Variants in ZNF827 observed in about 807,000 individuals in gnomAD.
ZNF827 encodes zinc finger protein 827.
ZNF827 carries 13 observed loss-of-function variants against 102.4 expected under a neutral mutation model. The observed-to-expected ratio is 0.13, with a 90% confidence interval of 0.08 to 0.20. The LOEUF (loss-of-function observed/expected upper bound fraction) is 0.20. Among genes scored for constraint, ZNF827 ranks in the 10% least tolerant of loss-of-function variants. The probability of loss-of-function intolerance (pLI) is 1.00; values close to 1 mark genes in which losing one functional copy is unlikely to be tolerated. For missense variants in ZNF827, 1,103 were observed against 1,344.4 expected, an observed-to-expected ratio of 0.82 and a Z score of 2.81; for synonymous variants, 523 against 536.2, an observed-to-expected ratio of 0.98 and a Z score of 0.34.
At chr4:145,817,679 G>A (rs1742721384) in intron 8 of ZNF827, among the ~76,000 whole-genome samples, 1 of 152,166 alleles carries the variant, frequency 6.6e-6, no homozygotes, top group Non-Finnish European at 1.5e-5. Flanking sequence ...TTTGGATGGG[G>A]ACACAGAGCT....
chr4:145,902,457 C>T lies in ZNF827; in HGVS notation c.802G>A (p.Gly268Ser), dbSNP rs1751503331. The T allele has an allele frequency of 1.9e-6, 3 of 1,614,124 alleles. No homozygotes were observed. The East Asian group carries it at 6.7e-5, about 36-fold the overall frequency. ...CTGGCCGGTGGAGGGTGCTCCTGAC[C>T]AGGAGTCAAACTTCTTTCACTGACC... ...KKVSERSLTP[G>S]QEHPPPASSF... The change falls in exon 2 of 15, where the codon GGT becomes AGT. Residue 268 changes from glycine (G) to serine (S), a missense_variant. By Grantham distance (56) the Gly-to-Ser change is moderately conservative (BLOSUM62 0). Transcript: ENST00000508784. The surrounding 1 kb of genome is among the most constrained non-coding windows in gnomAD (Gnocchi z 4.3).
At chr4:145,787,363 T>A (rs1489372953) in intron 8 of ZNF827, among the ~76,000 whole-genome samples, 1 of 148,534 alleles carries the variant, frequency 6.7e-6, no homozygotes, top group Non-Finnish European at 1.5e-5. Context: ...CTCAGGAGGC[T>A]GAGGCAGGAG....
At chr4:145,930,096 T>A (rs943735111) in intron 1 of ZNF827, among the ~76,000 whole-genome samples, 1 of 152,166 alleles carries the variant, frequency 6.6e-6, no homozygotes, top group African/African-American at 2.4e-5. Context: ...GAGGGCACAG[T>A]CACAGATGAT....
intron 1 of ZNF827, among the ~76,000 whole-genome samples, chr4:145,908,097 A>G (rs905363021): frequency 6.6e-6 from 1 of 152,222 alleles, no homozygotes; most frequent in Non-Finnish European, 1.5e-5. Flanking sequence ...AATCAGATGC[A>G]TTTAATTGGA....
At chr4:145,780,028 T>TA (rs952686715) in intron 8 of ZNF827, among the ~76,000 whole-genome samples, 2 of 152,104 alleles carry the variant, frequency 1.3e-5, no homozygotes, top group African/African-American at 2.4e-5. Flanking sequence ...TTGTATCTAC[T>TA]AAAAATACAA....
chr4:145,816,420 TAAAA>T (rs1438947638), intron 8 of ZNF827, among the ~76,000 whole-genome samples: 2 of 152,302 alleles, frequency 1.3e-5, no homozygotes, highest in East Asian at 3.9e-4. Context: ...TTACCACCCT[TAAAA>T]AAGTATGCGT....
intron 11 of ZNF827, among the ~76,000 whole-genome samples, chr4:145,768,458 C>A (rs897552878): frequency 1.3e-5 from 2 of 152,090 alleles, no homozygotes; most frequent in African/African-American, 4.8e-5. Flanking sequence ...AGCCACCGTA[C>A]CTGGCCTAAA....
At chr4:145,845,487 G>A (rs1258985650) in intron 7 of ZNF827, among the ~76,000 whole-genome samples, 2 of 152,000 alleles carry the variant, frequency 1.3e-5, no homozygotes, top group African/African-American at 2.4e-5. Flanking sequence ...ACGCTGGGAG[G>A]TTAAAAAAAA....
chr4:145,795,138 T>TTTTTG (rs1022355477), intron 8 of ZNF827, among the ~76,000 whole-genome samples: 1 of 152,088 alleles, frequency 6.6e-6, no homozygotes, highest in African/African-American at 2.4e-5. Context: ...GTTATGTGTT[T>TTTTTG]TTTTGTTTTG....
chr4:145,900,208 C>A (rs113167155), intron 2 of ZNF827, among the ~76,000 whole-genome samples: 10 of 152,216 alleles, frequency 6.6e-5, no homozygotes, highest in African/African-American at 1.9e-4. Flanking sequence ...TTCAATATGA[C>A]AAAGCTGCTA....
intron 11 of ZNF827, among the ~76,000 whole-genome samples, chr4:145,769,966 C>T (rs1223629498): frequency 6.6e-6 from 1 of 152,162 alleles, no homozygotes; most frequent in Non-Finnish European, 1.5e-5. Context: ...GTAAGCACTT[C>T]TACTTTTAAA....
intron 7 of ZNF827, among the ~76,000 whole-genome samples, chr4:145,834,134 A>C (rs1351185344): frequency 6.6e-6 from 1 of 151,990 alleles, no homozygotes; most frequent in Non-Finnish European, 1.5e-5. Flanking sequence ...CCCAATACAA[A>C]CTCGACAGTA....
intron 5 of ZNF827, among the ~76,000 whole-genome samples, chr4:145,864,714 T>G (rs530651132): frequency 6.6e-6 from 1 of 152,340 alleles, no homozygotes; most frequent in South Asian, 2.1e-4. Context: ...TTTTTGGACT[T>G]ACTAGACTGA....
In ZNF827 at chr4:145,902,977, T is replaced by C. The variant is rs1210232953; in HGVS notation, c.282A>G (p.Ser94=). The C allele has an allele frequency of 6.2e-7, 1 of 1,614,090 alleles. No homozygotes were observed. The highest frequency in any genetic ancestry group is 1.1e-5 in the South Asian group (1 of 91,072). Reference sequence around the variant, plus strand: ...GGGAAAGGTGATCTTGACACTGCAGTGAGTCTCGCAGGACCTCACTGTCCA... The same window carrying C: ...GGGAAAGGTGATCTTGACACTGCAGCGAGTCTCGCAGGACCTCACTGTCCA... The part of the protein sequence containing the change: ...VALDSEVLRD[S]LQCQDHLSPG... The change falls in exon 2 of 15, where the codon TCA becomes TCG. Residue 94 remains serine, a synonymous_variant. Transcript: ENST00000508784. The surrounding 1 kb of genome is among the most constrained non-coding windows in gnomAD (Gnocchi z 4.3).
At chr4:145,909,603 C>T (rs764606411) in intron 1 of ZNF827, among the ~76,000 whole-genome samples, 5 of 152,200 alleles carry the variant, frequency 3.3e-5, no homozygotes, top group Admixed American at 2.0e-4. Context: ...GCGGGTTCTA[C>T]AATGGGCTCA....
rs146672940 is a variant in ZNF827, at chr4:145,833,429, G to A, written c.2280-9904C>T. 4.4e-3 allele frequency among the ~76,000 whole-genome samples: 674 copies of A among 152,218 alleles called. 2 individuals are homozygous for A. Among genetic ancestry groups the A allele is most frequent in the African/African-American group, 0.014 (587 of 41,516 alleles). ...CCACGTTTCAAAGGTGTCAGACCAC[G>A]CAGGGACGCCTGCCTTAGTCCTTCA... On this transcript the variant is annotated intron_variant, in intron 7 of 14. Coordinates refer to ENST00000508784, the MANE Select transcript of ZNF827 (RefSeq NM_001306215.2).
At position 145,764,777 on chromosome 4, in the gene ZNF827, A is replaced by C. The variant is rs1403896656; in HGVS notation, c.3230+211T>G. On this transcript the variant is annotated intron_variant, in intron 13 of 14. Transcript: ENST00000508784. ...CCCTGAATCCCGGGGTATTTGCAAAATGGATTCTCCTACTGACATCTGTTG... is the reference window on the plus strand; with the variant it reads ...CCCTGAATCCCGGGGTATTTGCAAACTGGATTCTCCTACTGACATCTGTTG... 7.2e-5 allele frequency: 45 copies of C among 621,046 alleles called. No homozygotes were observed. In the Admixed American group the frequency reaches 1.3e-3, roughly 18 times the overall value. 38.5% of individuals were successfully genotyped at this position (621,046 alleles called of 1,614,324 possible). A position where few individuals can be genotyped will look rare whatever the true frequency, so the allele number is the denominator to read the frequency against.
intron 1 of ZNF827, among the ~76,000 whole-genome samples, chr4:145,932,520 G>T (rs1445340629): frequency 1.3e-5 from 2 of 150,964 alleles, no homozygotes; most frequent in African/African-American, 2.4e-5. Context: ...TGTCGAACAG[G>T]CTGGAGTGTA....
At chr4:145,821,505 A>T (rs1202322542) in intron 8 of ZNF827, among the ~76,000 whole-genome samples, 4 of 152,052 alleles carry the variant, frequency 2.6e-5, no homozygotes, top group Middle Eastern at 3.4e-3. Flanking sequence ...ATCATTTTAA[A>T]TTTTTTTCTA....
Sources: allele counts gnomAD v4.1 joint callset (sites outside exome capture counted in the v4.1 genomes callset), GRCh38; gene constraint gnomAD v4.1.1; non-coding constraint Gnocchi (gnomAD v3.1); transcripts MANE v1.5; gene names NCBI Gene and HGNC (gene_info 2026-07-23, HGNC 2026-07-21).